NRG1: variants seen among roughly 807,000 people sequenced by gnomAD.
NRG1 encodes neuregulin 1.
In NRG1, 18 loss-of-function variants were observed where a neutral mutation model predicts 63.8. The observed-to-expected ratio is 0.28, with a 90% confidence interval of 0.19 to 0.42. The LOEUF (loss-of-function observed/expected upper bound fraction) is 0.42. Among genes scored for constraint, NRG1 ranks in the 10% least tolerant of loss-of-function variants. The pLI, the probability that NRG1 is intolerant of heterozygous loss-of-function variation, is 1.00. For missense variants in NRG1, 762 were observed against 814.7 expected, an observed-to-expected ratio of 0.94 and a Z score of 0.79; for synonymous variants, 302 against 301.3, an observed-to-expected ratio of 1.00 and a Z score of -0.02.
At chr8:32,369,974 A>T (rs2129482639) in intron 1 of NRG1, among the ~76,000 whole-genome samples, 1 of 152,282 alleles carries the variant, frequency 6.6e-6, no homozygotes, top group Non-Finnish European at 1.5e-5. Context: ...AGAGACACCA[A>T]GAGCGGAGAG....
At chr8:32,511,751 A>C (rs1303538368) in intron 1 of NRG1, among the ~76,000 whole-genome samples, 2 of 152,112 alleles carry the variant, frequency 1.3e-5, no homozygotes, top group Non-Finnish European at 2.9e-5. Flanking sequence ...TTATTAATAT[A>C]AATATACTCT....
rs936593836 is a variant in NRG1, at chr8:31,641,309, A to G, written c.37+1878A>G. The stretch of plus-strand genomic sequence containing the variant: ...CTTGTGAATATGTGTAATATGTGAG[A>G]ATTATAAAGTTGTTATTGGTGGGGG... On this transcript the variant is annotated intron_variant, in intron 1 of 10. Coordinates refer to the NRG1 transcript ENST00000519301. Among the ~76,000 whole-genome samples the G allele has an allele frequency of 2.0e-4, 30 of 151,032 alleles. 1 individual carries two copies. The highest frequency in any genetic ancestry group is 6.3e-4 in the African/African-American group (26 of 41,270).
chr8:31,819,054 A>AAAC (rs1563440562), intron 1 of NRG1, among the ~76,000 whole-genome samples: 1 of 151,640 alleles, frequency 6.6e-6, no homozygotes, highest in Non-Finnish European at 1.5e-5. Flanking sequence ...ACTTCTTCTC[A>AAAC]AAAACAAAAC....
chr8:31,870,984 T>C (rs1394812174), intron 1 of NRG1, among the ~76,000 whole-genome samples: 9 of 150,738 alleles, frequency 6.0e-5, no homozygotes, highest in Non-Finnish European at 1.3e-4. Flanking sequence ...CCTTGTGTTG[T>C]CAGATCCACA....
At chr8:32,612,675 AT>A (rs1012950543) in intron 3 of NRG1, among the ~76,000 whole-genome samples, 2 of 151,322 alleles carry the variant, frequency 1.3e-5, no homozygotes, top group East Asian at 1.9e-4. Flanking sequence ...AAAAGTTCTG[AT>A]TTTTTTTTCT....
chr8:32,439,872 G>T (rs1405968774), intron 1 of NRG1, among the ~76,000 whole-genome samples: 1 of 134,216 alleles, frequency 7.5e-6, no homozygotes, highest in Non-Finnish European at 1.7e-5. Context: ...CTGGGCTCAA[G>T]CAATCCTCAT....
chr8:32,552,914 T>C (rs940136171), intron 1 of NRG1, among the ~76,000 whole-genome samples: 1 of 152,190 alleles, frequency 6.6e-6, no homozygotes, highest in Non-Finnish European at 1.5e-5. Context: ...TGGACACTTT[T>C]ATGTTTATTA....
intron 1 of NRG1, among the ~76,000 whole-genome samples, chr8:32,426,828 G>T (rs1438030422): frequency 6.6e-6 from 1 of 152,196 alleles, no homozygotes; most frequent in Admixed American, 6.5e-5. Flanking sequence ...TACAGCAGAA[G>T]CAAGTGGAAG....
intron 1 of NRG1, among the ~76,000 whole-genome samples, chr8:32,034,875 T>A (rs199721078): frequency 1.1e-5 from 1 of 90,960 alleles, no homozygotes; most frequent in Non-Finnish European, 2.6e-5. Context: ...CTATTTTTAA[T>A]TTTTTTTTTC....
intron 1 of NRG1, among the ~76,000 whole-genome samples, chr8:32,565,069 C>CA (rs148891652): frequency 0.2 from 30,258 of 151,256 alleles, 3,840 homozygotes; most frequent in Admixed American, 0.33. Context: ...GACCCAGTCT[C>CA]AAAAAAAAAT....
chr8:32,736,557 A>G (rs554668147), intron 6 of NRG1, among the ~76,000 whole-genome samples: 86 of 152,390 alleles, frequency 5.6e-4, no homozygotes, highest in African/African-American at 2.0e-3. Flanking sequence ...ATTTGTAAAC[A>G]TAGGCATCAA....
chr8:31,737,164 G>C (rs1489852853), intron 1 of NRG1, among the ~76,000 whole-genome samples: 1 of 152,072 alleles, frequency 6.6e-6, no homozygotes, highest in Non-Finnish European at 1.5e-5. Flanking sequence ...TGAGAGCCTA[G>C]AAGTGGTGTG....
At chr8:31,764,486 A>G (rs1442719398) in intron 1 of NRG1, among the ~76,000 whole-genome samples, 1 of 152,200 alleles carries the variant, frequency 6.6e-6, no homozygotes, top group East Asian at 1.9e-4. Flanking sequence ...ATGATGTAGT[A>G]TAATATGTAT....
At chr8:32,607,860 G>C (rs1196231228) in intron 3 of NRG1, among the ~76,000 whole-genome samples, 1 of 152,026 alleles carries the variant, frequency 6.6e-6, no homozygotes, top group Non-Finnish European at 1.5e-5. Flanking sequence ...TTCAGAAATA[G>C]GTTCCTATGG....
intron 1 of NRG1, among the ~76,000 whole-genome samples, chr8:32,071,601 A>C (rs1825767407): frequency 6.6e-6 from 1 of 152,216 alleles, no homozygotes; most frequent in Admixed American, 6.5e-5. Context: ...CATTATTAGT[A>C]TTCCCAATAT....
chr8:32,281,948 A>T (rs1239652992), intron 1 of NRG1, among the ~76,000 whole-genome samples: 1 of 152,236 alleles, frequency 6.6e-6, no homozygotes, highest in African/African-American at 2.4e-5. Flanking sequence ...ATACACAGTA[A>T]AAGAATGTAT....
chr8:31,759,172 C>A (rs1817277004), intron 1 of NRG1, among the ~76,000 whole-genome samples: 1 of 152,054 alleles, frequency 6.6e-6, no homozygotes, highest in African/African-American at 2.4e-5. Flanking sequence ...TGTGAATATT[C>A]TCTCCCAGAA....
chr8:31,674,518 T>C (rs1807477835), intron 1 of NRG1, among the ~76,000 whole-genome samples: 1 of 152,122 alleles, frequency 6.6e-6, no homozygotes, highest in Non-Finnish European at 1.5e-5. Flanking sequence ...TATTTTATTT[T>C]GATGGATCCC....
chr8:32,275,629 C>G (rs1482725075), intron 1 of NRG1, among the ~76,000 whole-genome samples: 1 of 152,072 alleles, frequency 6.6e-6, no homozygotes, highest in African/African-American at 2.4e-5. Context: ...GGAGGGTGAG[C>G]AAGGAGAGAG....
Sources: gnomAD v4.1 joint callset for allele counts (sites outside exome capture counted in the v4.1 genomes callset) on GRCh38, gnomAD v4.1.1 for gene constraint, MANE v1.5 for transcripts, NCBI Gene and HGNC (gene_info 2026-07-23, HGNC 2026-07-21) for gene names.